The following CSN1S1 variants were observed in gnomAD, a reference collection of about 807,000 sequenced individuals.
CSN1S1 encodes the protein casein alpha s1.
Under a neutral mutation model 49.1 loss-of-function variants are expected in CSN1S1, and 63 were observed. That is an observed-to-expected ratio of 1.28 (90% CI 1.05 to 1.58). The LOEUF (loss-of-function observed/expected upper bound fraction) is 1.58. Ranked by LOEUF, CSN1S1 falls within the 40% of genes most tolerant of loss-of-function variation. The probability of loss-of-function intolerance (pLI) is 0.00; values close to 1 mark genes in which losing one functional copy is unlikely to be tolerated. For synonymous variants in CSN1S1, 78 were observed against 67.1 expected, an observed-to-expected ratio of 1.16 and a Z score of -0.79; for missense variants, 260 against 224.7, an observed-to-expected ratio of 1.16 and a Z score of -1.01.
rs28633873 is a variant in CSN1S1, at chr4:69,945,863, G to C, written c.*-333G>C. Among the ~76,000 whole-genome samples, 702 of 151,748 alleles carry C rather than the reference G, an allele frequency of 4.6e-3. 5 individuals carry two copies. The highest frequency in any genetic ancestry group is 0.016 in the African/African-American group (656 of 41,398). ...TCCAATTGTGTGTTTGTGTGTGTGT[G>C]TTTCCTTTTCCAGTGGTGGAAACTT... On this transcript the variant is annotated intron_variant, in intron 15 of 15. Coordinates refer to ENST00000246891, the MANE Select transcript of CSN1S1 (RefSeq NM_001890.2).
At chr4:69,940,150 C>CACAT (rs1722930154) in intron 11 of CSN1S1, 106 bp downstream of exon 11, 1 of 461,558 alleles carries the variant, frequency 2.2e-6, no homozygotes, top group African/African-American at 2.2e-5. Flanking sequence ...CACACACACA[C>CACAT]GGGAAAACAT....
chr4:69,944,049 C>T (rs1723070164), intron 14 of CSN1S1, among the ~76,000 whole-genome samples: 1 of 151,792 alleles, frequency 6.6e-6, no homozygotes, highest in Non-Finnish European at 1.5e-5. Flanking sequence ...AGAACAGGGC[C>T]AGTTCTATCT....
rs962771474 is a variant in CSN1S1 at position 69,936,343 on chromosome 4, G to A, written c.130-113G>A. 1.3e-5 allele frequency: 11 copies of A among 855,620 alleles called. No individual in the cohort carries two copies. The East Asian group carries it at 1.9e-4, about 14-fold the overall frequency. The allele number at this position is 855,620 out of a possible 1,614,324, so 53.0% of individuals were successfully genotyped here. A position where few individuals can be genotyped will look rare whatever the true frequency, so the allele number is the denominator to read the frequency against. On this transcript the variant is annotated intron_variant, in intron 5 of 15. Transcript: ENST00000246891. ...AATATTAGTTCATTCAGGAAAAATG[G>A]ATTTATTTTTAAATTTGTATCAGCA...
intron 7 of CSN1S1, among the ~76,000 whole-genome samples, 167 bp from the exon 8 acceptor site, chr4:69,936,953 AC>A (rs1360266850): frequency 6.6e-6 from 1 of 152,002 alleles, no homozygotes; most frequent in African/African-American, 2.4e-5. Context: ...AAGAATATTT[AC>A]ATAGTCATAC....
intron 9 of CSN1S1, 128 bp from the exon 10 acceptor site, chr4:69,939,047 AT>A (rs1722893517): frequency 1.4e-5 from 8 of 565,384 alleles, no homozygotes; most frequent in Non-Finnish European, 2.2e-5. Flanking sequence ...GTACGCCTGA[AT>A]TTTTCCATAC....
intron 11 of CSN1S1, 76 bp downstream of exon 11, chr4:69,940,120 C>T: frequency 2.1e-6 from 1 of 470,446 alleles, no homozygotes; most frequent in South Asian, 5.3e-5. Context: ...TTCACACACA[C>T]ACACACACAC....
intron 4 of CSN1S1, 43 bp downstream of exon 4, chr4:69,934,753 GCT>G: frequency 6.3e-7 from 1 of 1,578,576 alleles, no homozygotes; most frequent in Non-Finnish European, 8.7e-7. Flanking sequence ...TCTTCCTTTT[GCT>G]CTCTTTCAGT....
In CSN1S1 at chr4:69,945,032, G is replaced by T. The variant is rs1451764179; in HGVS notation, c.557+28G>T. On this transcript the variant is annotated intron_variant, in intron 15 of 15. Coordinates refer to ENST00000246891, the MANE Select transcript of CSN1S1 (RefSeq NM_001890.2). ...AAGTTCATTTAAATTACTACATCTT[G>T]ATGTTCTACCAAAGGAATGAAATAG... The T allele has an allele frequency of 5.0e-6, 8 of 1,607,210 alleles. No individual in the cohort carries two copies. In the South Asian group the frequency reaches 6.6e-5, roughly 13 times the overall value.
Position 69,941,598 on chromosome 4 carries a change from G to C in CSN1S1, c.343-448G>C, listed in dbSNP as rs541550621. On this transcript the variant is annotated intron_variant, in intron 12 of 15. Transcript: ENST00000246891. ...TTCAGTAACTACAAACAAATTTGAC[G>C]TAATGAAGGCTTTGGGAAATGCTTG... Among the ~76,000 whole-genome samples the C allele has an allele frequency of 2.0e-5, 3 of 151,968 alleles. No homozygotes were observed. The East Asian group carries it at 5.8e-4, about 29-fold the overall frequency.
At chr4:69,940,524 C>T (rs928034818) in intron 11 of CSN1S1, among the ~76,000 whole-genome samples, 29 of 151,766 alleles carry the variant, frequency 1.9e-4, no homozygotes, top group African/African-American at 7.0e-4. Flanking sequence ...CGTTCACTTT[C>T]CCAGTATAAG....
Position 69,940,012 on chromosome 4 carries a change from T to G in CSN1S1, c.277-9T>G. ...AATTAAAACTATGCATGTTTTAATTTTTTTAAAGGAAATGTCTCTCAGTAA... is the reference window on the plus strand; with the variant it reads ...AATTAAAACTATGCATGTTTTAATTGTTTTAAAGGAAATGTCTCTCAGTAA... On this transcript the variant is annotated splice_polypyrimidine_tract_variant and intron_variant, in intron 10 of 15. Transcript: ENST00000246891. 1 of 1,387,808 alleles carries G rather than the reference T, an allele frequency of 7.2e-7. No homozygotes were observed. Among genetic ancestry groups the G allele is most frequent in the Non-Finnish European group, 9.7e-7 (1 of 1,026,444 alleles). The allele number at this position is 1,387,808 out of a possible 1,614,324, so 86.0% of individuals were successfully genotyped here.
intron 9 of CSN1S1, 71 bp from the exon 10 acceptor site, chr4:69,939,105 G>T: frequency 1.8e-6 from 2 of 1,097,776 alleles, no homozygotes; most frequent in South Asian, 1.4e-5. Flanking sequence ...TCACCATGAT[G>T]ACATGGAACT....
At chr4:69,939,138 T>C (rs370203007) in intron 9 of CSN1S1, 38 bp from the exon 10 acceptor site, 7 of 1,523,422 alleles carry the variant, frequency 4.6e-6, no homozygotes. Context: ...ATTCTAAAAA[T>C]CCCAGGGGAT....
At chr4:69,938,015 A>G (rs1722850572) in intron 9 of CSN1S1, among the ~76,000 whole-genome samples, 192 bp downstream of exon 9, 1 of 151,920 alleles carries the variant, frequency 6.6e-6, no homozygotes, top group South Asian at 2.1e-4. Flanking sequence ...CAGGAATATT[A>G]TACTCAAGAA....
chr4:69,936,642 G>C, intron 7 of CSN1S1, 35 bp downstream of exon 7: 1 of 1,564,972 alleles, frequency 6.4e-7, no homozygotes, highest in Non-Finnish European at 8.7e-7. Flanking sequence ...TATGGCAAAA[G>C]TATATATTCT....
At chr4:69,944,525 T>A (rs1723087778) in intron 14 of CSN1S1, among the ~76,000 whole-genome samples, 2 of 152,004 alleles carry the variant, frequency 1.3e-5, no homozygotes, top group South Asian at 4.1e-4. Flanking sequence ...TAAATAATAA[T>A]GAAATGTATG....
chr4:69,931,396 T>C (rs1014137294), intron 1 of CSN1S1, among the ~76,000 whole-genome samples: 1 of 151,970 alleles, frequency 6.6e-6, no homozygotes, highest in Non-Finnish European at 1.5e-5. Context: ...CAGTAGAGGC[T>C]TGGGGTAAGC....
intron 15 of CSN1S1, among the ~76,000 whole-genome samples, chr4:69,945,637 G>A (rs1013667708): frequency 4.6e-5 from 7 of 151,690 alleles, no homozygotes; most frequent in East Asian, 1.9e-4. Context: ...TCATTATTTC[G>A]GAAGAATTAA....
chr4:69,932,524 T>G lies in CSN1S1; in HGVS notation c.-12-20T>G. On this transcript the variant is annotated intron_variant, in intron 1 of 15. Coordinates refer to ENST00000246891, the MANE Select transcript of CSN1S1 (RefSeq NM_001890.2). ...TAACGTAATAATATCTAACTCTTTC[T>G]TTTTTGTTCTCTTACATAGGCTCTG... 1 of 1,576,848 alleles carries G rather than the reference T, an allele frequency of 6.3e-7. No individual in the cohort carries two copies. The highest frequency in any genetic ancestry group is 8.6e-7 in the Non-Finnish European group (1 of 1,157,326).
Sources: gnomAD v4.1 joint callset for allele counts (sites outside exome capture counted in the v4.1 genomes callset) on GRCh38, gnomAD v4.1.1 for gene constraint, MANE v1.5 for transcripts, NCBI Gene and HGNC (gene_info 2026-07-23, HGNC 2026-07-21) for gene names.